NF1: variants seen among roughly 807,000 people sequenced by gnomAD.
The protein encoded by NF1 is neurofibromin 1.
In NF1, 122 loss-of-function variants were observed where a neutral mutation model predicts 325.7. The ratio of observed to expected loss-of-function variants is 0.37; its 90% CI spans 0.32 to 0.44. NF1 has a LOEUF of 0.44. Ranked by LOEUF, NF1 falls within the 20% of genes least tolerant of loss-of-function variation. The probability of loss-of-function intolerance (pLI) is 1.00; values close to 1 mark genes in which losing one functional copy is unlikely to be tolerated. For missense variants in NF1, 2,140 were observed against 3,415.4 expected, an observed-to-expected ratio of 0.63 and a Z score of 9.31; for synonymous variants, 1,091 against 1,186.0, an observed-to-expected ratio of 0.92 and a Z score of 1.65.
chr17:31,372,405 C>T (rs2070660301), intron 57 of NF1, among the ~76,000 whole-genome samples: 2 of 149,032 alleles, frequency 1.3e-5, no homozygotes, highest in Admixed American at 6.7e-5. Flanking sequence ...AAATTTATGC[C>T]AGCAGTAAGT....
rs1555536373 is a variant in NF1, at chr17:31,352,393, G to A, written c.7594G>A (p.Ala2532Thr). ...MSLDMGQPSQ[A>T]NTKKLLGTRK... is the part of the protein sequence containing the mutation. ...CCTGGACATGGGGCAACCTTCTCAGGCCAACACTAAGAAGTTGCTTGGTTA... is the reference window on the plus strand; with the variant it reads ...CCTGGACATGGGGCAACCTTCTCAGACCAACACTAAGAAGTTGCTTGGTTA... The change falls in exon 51 of 58, where the codon GCC (alanine) becomes ACC (threonine). Residue 2532 changes from alanine to threonine, a missense_variant. Transcript: ENST00000358273. 6.2e-7 allele frequency: 1 copy of A among 1,613,410 alleles called. No homozygotes were observed. The highest frequency in any genetic ancestry group is 8.5e-7 in the Non-Finnish European group (1 of 1,179,702).
intron 12 of NF1, among the ~76,000 whole-genome samples, chr17:31,209,384 T>C (rs1405381137): frequency 1.3e-5 from 2 of 152,196 alleles, no homozygotes; most frequent in Non-Finnish European, 2.9e-5. Flanking sequence ...TAACACTTTG[T>C]ATTTTGGAGA....
At chr17:31,306,904 C>T (rs1450712401) in intron 36 of NF1, among the ~76,000 whole-genome samples, 3 of 151,966 alleles carry the variant, frequency 2.0e-5, no homozygotes, top group Non-Finnish European at 4.4e-5. Context: ...AATCCCAGCA[C>T]TTTGGGAAGC....
intron 50 of NF1, 152 bp from the exon 51 acceptor site, chr17:31,352,105 C>T: frequency 1.4e-6 from 1 of 695,570 alleles, no homozygotes; most frequent in African/African-American, 1.8e-5. Context: ...AGGGATACAC[C>T]AAGAGTTTGT....
intron 36 of NF1, among the ~76,000 whole-genome samples, chr17:31,307,110 C>A (rs1348792871): frequency 6.6e-6 from 1 of 152,056 alleles, no homozygotes; most frequent in African/African-American, 2.4e-5. Flanking sequence ...GCAAATTCCG[C>A]TTCCCAGGTT....
chr17:31,333,434 A>G (rs2069557677), intron 39 of NF1, among the ~76,000 whole-genome samples: 2 of 152,228 alleles, frequency 1.3e-5, no homozygotes, highest in South Asian at 4.1e-4. Context: ...TCATGAAAGT[A>G]TCTCCAGATC....
At chr17:31,201,377 G>A (rs1221639380) in intron 10 of NF1, 34 bp from the exon 11 acceptor site, 1 of 1,573,062 alleles carries the variant, frequency 6.4e-7, no homozygotes, top group African/African-American at 1.4e-5. Flanking sequence ...TTTTCTCATA[G>A]AAATAATCTG....
chr17:31,161,195 TC>T (rs2065755794), intron 3 of NF1, among the ~76,000 whole-genome samples: 2 of 152,254 alleles, frequency 1.3e-5, no homozygotes, highest in Admixed American at 1.3e-4. Flanking sequence ...GTATTTTTGT[TC>T]CTGTGAATAT....
intron 36 of NF1, among the ~76,000 whole-genome samples, chr17:31,285,209 A>G (rs1260306852): frequency 6.6e-6 from 1 of 151,296 alleles, no homozygotes; most frequent in African/African-American, 2.4e-5. Flanking sequence ...CCCGGCAGGC[A>G]GAGGTTGCAG....
At chr17:31,158,599 TAGTG>T (rs1274946287) in intron 2 of NF1, among the ~76,000 whole-genome samples, 1 of 152,218 alleles carries the variant, frequency 6.6e-6, no homozygotes, top group African/African-American at 2.4e-5. Context: ...ATTTTGAGGA[TAGTG>T]AGTACTTAAA....
intron 8 of NF1, among the ~76,000 whole-genome samples, chr17:31,198,778 G>T (rs529201278): frequency 6.6e-6 from 1 of 151,796 alleles, no homozygotes; most frequent in Non-Finnish European, 1.5e-5. Flanking sequence ...CCATGCCTGT[G>T]TAATTTTTGT....
chr17:31,217,909 G>A (rs1367465002), intron 13 of NF1, among the ~76,000 whole-genome samples: 1 of 143,850 alleles, frequency 7.0e-6, no homozygotes, highest in Non-Finnish European at 1.5e-5. Flanking sequence ...AGGTTGCAGT[G>A]AGCCGAGATC....
chr17:31,287,936 TGGGGGGAGGGGGGA>T (rs1272300981), intron 36 of NF1, among the ~76,000 whole-genome samples: 2 of 35,094 alleles, frequency 5.7e-5, no homozygotes, highest in African/African-American at 1.2e-4. Flanking sequence ...TGTTGTGGGG[TGGGGGGAGGGGGGA>T]GGGATAGCAT....
At chr17:31,100,008 T>TAA (rs71142016) in intron 1 of NF1, among the ~76,000 whole-genome samples, 158 of 130,748 alleles carry the variant, frequency 1.2e-3, no homozygotes, top group South Asian at 3.5e-3. Flanking sequence ...ATATTTGAAC[T>TAA]AAAAAAAAAA....
At chr17:31,287,146 A>C (rs1300427072) in intron 36 of NF1, among the ~76,000 whole-genome samples, 1 of 152,222 alleles carries the variant, frequency 6.6e-6, no homozygotes. Context: ...AGCATAACTG[A>C]AGATGTCAGA....
At chr17:31,289,839 C>G (rs2068312328) in intron 36 of NF1, among the ~76,000 whole-genome samples, 1 of 151,930 alleles carries the variant, frequency 6.6e-6, no homozygotes, top group Admixed American at 6.6e-5. Context: ...ATTTCATTGC[C>G]AAATTGCTTT....
chr17:31,229,509 G>T (rs2151429978), intron 21 of NF1, 44 bp downstream of exon 21: 1 of 1,577,006 alleles, frequency 6.3e-7, no homozygotes, highest in South Asian at 1.1e-5. Context: ...TGAATAGAGT[G>T]ACTTGTTTGA....
At chr17:31,344,149 T>A (rs1190139289) in intron 48 of NF1, among the ~76,000 whole-genome samples, 3 of 152,170 alleles carry the variant, frequency 2.0e-5, no homozygotes, top group African/African-American at 7.2e-5. Context: ...TTTCTTCAAC[T>A]TGTTTATAGT....
intron 36 of NF1, among the ~76,000 whole-genome samples, chr17:31,311,498 G>A (rs2068875329): frequency 6.6e-6 from 1 of 152,172 alleles, no homozygotes; most frequent in South Asian, 2.1e-4. Flanking sequence ...AACTAGTGAA[G>A]TTTTGAAACC....
Sources: gnomAD v4.1 joint callset for allele counts (sites outside exome capture counted in the v4.1 genomes callset) on GRCh38, gnomAD v4.1.1 for gene constraint, MANE v1.5 for transcripts, NCBI Gene and HGNC (gene_info 2026-07-23, HGNC 2026-07-21) for gene names.